The following ITGAE variants were observed in gnomAD, a reference collection of about 807,000 sequenced individuals.
ITGAE encodes the protein integrin alpha-E.
Under a neutral mutation model 136.5 loss-of-function variants are expected in ITGAE, and 99 were observed. The ratio of observed to expected loss-of-function variants is 0.73; its 90% CI spans 0.62 to 0.86. The LOEUF (loss-of-function observed/expected upper bound fraction) is 0.86, where lower values mean the gene tolerates loss of function less well. Among genes scored for constraint, ITGAE ranks in the 40% least tolerant of loss-of-function variants. The pLI, the probability that ITGAE is intolerant of heterozygous loss-of-function variation, is 0.00. For missense variants in ITGAE, 1,447 were observed against 1,515.3 expected, an observed-to-expected ratio of 0.95 and a Z score of 0.75; for synonymous variants, 613 against 591.8, an observed-to-expected ratio of 1.04 and a Z score of -0.52.
rs763438763 is a variant in ITGAE, at chr17:3,731,199, A to G, written c.2755-16T>C. On this transcript the variant is annotated splice_polypyrimidine_tract_variant and intron_variant, in intron 22 of 30. Coordinates refer to ENST00000263087, the MANE Select transcript of ITGAE (RefSeq NM_002208.5). ...AAACATGAGCCTATTTTAAAGGGGG[A>G]AAAATGGTCAGTTGATTCTCTCTAT... The G allele has an allele frequency of 4.4e-6, 7 of 1,601,484 alleles. No individual in the cohort carries two copies. Among genetic ancestry groups the G allele is most frequent in the East Asian group, 2.2e-5 (1 of 44,730 alleles).
At chr17:3,745,719 ATGACAAAGACCCCTCC>A in intron 18 of ITGAE, 29 bp downstream of exon 18, 1 of 1,584,878 alleles carries the variant, frequency 6.3e-7, no homozygotes, top group Non-Finnish European at 8.6e-7. Flanking sequence ...TCCTTTCTCA[ATGACAAAGACCCCTCC>A]TGACTCCCAT....
chr17:3,741,223 G>GCA (rs1408534573), intron 19 of ITGAE, among the ~76,000 whole-genome samples: 6 of 149,878 alleles, frequency 4.0e-5, no homozygotes, highest in Non-Finnish European at 8.9e-5. Context: ...GACTACAGCT[G>GCA]CCCGCCACCA....
intron 18 of ITGAE, among the ~76,000 whole-genome samples, chr17:3,744,636 A>G (rs1264728050): frequency 6.6e-6 from 1 of 151,524 alleles, no homozygotes; most frequent in Non-Finnish European, 1.5e-5. Flanking sequence ...TTTAGTAGAG[A>G]CAGGGTTTTA....
chr17:3,727,127 G>C (rs1300578504), intron 26 of ITGAE, among the ~76,000 whole-genome samples: 1 of 151,732 alleles, frequency 6.6e-6, no homozygotes, highest in African/African-American at 2.4e-5. Flanking sequence ...AAAAAAAAAT[G>C]CCCAGGCTTC....
chr17:3,751,922 C>T (rs745947188), intron 14 of ITGAE, 48 bp from the exon 15 acceptor site: 2 of 1,505,298 alleles, frequency 1.3e-6, no homozygotes, highest in South Asian at 1.1e-5. Context: ...GTGCTAGGTG[C>T]CCACTCCATT....
At chr17:3,747,052 G>T (rs187336162) in intron 17 of ITGAE, among the ~76,000 whole-genome samples, 2 of 152,194 alleles carry the variant, frequency 1.3e-5, no homozygotes, top group South Asian at 2.1e-4. Context: ...ATCGTTCCAG[G>T]GGGGAGCTCT....
rs553986474 is a variant in ITGAE at position 3,789,751 on chromosome 17, C to T, written c.34+11360G>A. On this transcript the variant is annotated intron_variant, in intron 1 of 30. Transcript: ENST00000263087. ...CCTGATCTCAAGTAATCTGCCCCCA[C>T]TTGGCCTCTCAAATGCTGGGATTTC... 5.9e-4 allele frequency among the ~76,000 whole-genome samples: 90 copies of T among 152,258 alleles called. 1 individual carries two copies. Among genetic ancestry groups the T allele is most frequent in the African/African-American group, 2.1e-3 (86 of 41,560 alleles).
intron 1 of ITGAE, among the ~76,000 whole-genome samples, chr17:3,795,820 T>C (rs918972765): frequency 7.3e-5 from 11 of 151,380 alleles, no homozygotes; most frequent in African/African-American, 2.7e-4. Context: ...TGCATCCGTG[T>C]GCATCCCTGT....
Position 3,759,443 on chromosome 17 carries a change from CACTT to C in ITGAE, c.821_824del (p.Gln274ArgfsTer15). On this transcript the variant is annotated frameshift_variant, in exon 8 of 31. Transcript: ENST00000263087. LOFTEE classifies it high-confidence loss of function. Reference sequence around the variant, plus strand: ...CTGAGGCAGTCTTGGTGACACTCCCCACTTGAGTGATGTTCTGGACTCTGGCGAG... The same window carrying C: ...CTGAGGCAGTCTTGGTGACACTCCCCGAGTGATGTTCTGGACTCTGGCGAG... 1 of 1,614,218 alleles carries C rather than the reference CACTT, an allele frequency of 6.2e-7. No homozygotes were observed. The highest frequency in any genetic ancestry group is 1.1e-5 in the South Asian group (1 of 91,084).
chr17:3,747,188 C>T, intron 17 of ITGAE, among the ~76,000 whole-genome samples: 1 of 152,240 alleles, frequency 6.6e-6, no homozygotes, highest in South Asian at 2.1e-4. Flanking sequence ...CCAATCCCAC[C>T]TGGGCCGGAG....
chr17:3,786,251 T>C (rs2052795807), intron 1 of ITGAE, among the ~76,000 whole-genome samples: 6 of 150,924 alleles, frequency 4.0e-5, no homozygotes, highest in African/African-American at 1.2e-4. Context: ...ATGAACAAAT[T>C]CCTTGAAATA....
chr17:3,736,245 G>T (rs1045596611), intron 20 of ITGAE, among the ~76,000 whole-genome samples: 3 of 152,128 alleles, frequency 2.0e-5, no homozygotes, highest in African/African-American at 4.8e-5. Context: ...GGAGGCAGAG[G>T]TTGCAGTGAG....
intron 1 of ITGAE, among the ~76,000 whole-genome samples, chr17:3,796,115 GCATCCC>G (rs776969086): frequency 1.4e-4 from 6 of 41,856 alleles, no homozygotes; most frequent in African/African-American, 3.4e-4. Flanking sequence ...ATCCCTGTGT[GCATCCC>G]TGTGTGTGCA....
chr17:3,792,146 G>A (rs1319500252), intron 1 of ITGAE, among the ~76,000 whole-genome samples: 2 of 152,088 alleles, frequency 1.3e-5, no homozygotes, highest in African/African-American at 4.8e-5. Context: ...TTTTGAGATG[G>A]AGTCTGGCCC....
intron 8 of ITGAE, 97 bp downstream of exon 8, chr17:3,759,305 C>CT: frequency 1.4e-6 from 2 of 1,402,544 alleles, no homozygotes; most frequent in Non-Finnish European, 2.0e-6. Flanking sequence ...AGCCCTAATT[C>CT]TCTTCTCCTG....
intron 12 of ITGAE, 30 bp downstream of exon 12, chr17:3,755,087 C>T (rs975076997): frequency 3.2e-6 from 5 of 1,568,506 alleles, no homozygotes; most frequent in Non-Finnish European, 4.3e-6. Flanking sequence ...ATCAGGTGGC[C>T]CCGCCCTCAT....
At chr17:3,750,683 A>G (rs1304110168) in intron 15 of ITGAE, among the ~76,000 whole-genome samples, 1 of 152,014 alleles carries the variant, frequency 6.6e-6, no homozygotes, top group African/African-American at 2.4e-5. Flanking sequence ...GTGGGACTTG[A>G]CAGGGGAGAG....
intron 1 of ITGAE, among the ~76,000 whole-genome samples, chr17:3,795,652 C>G (rs1239814019): frequency 6.6e-6 from 1 of 152,232 alleles, no homozygotes. Flanking sequence ...CCTCAAGAAG[C>G]TGGGCACTGC....
Position 3,732,437 on chromosome 17 carries a change from G to T in ITGAE, c.2685C>A (p.Asp895Glu). The T allele has an allele frequency of 1.2e-6, 2 of 1,614,100 alleles. No homozygotes were observed. The highest frequency in any genetic ancestry group is 1.7e-6 in the Non-Finnish European group (2 of 1,179,980). Reference sequence around the variant, plus strand: ...TCAGGACAGAAGCAACCGGCTGAGGGTCATCACACTGAATGTTTGGAGAGG... The same window carrying T: ...TCAGGACAGAAGCAACCGGCTGAGGTTCATCACACTGAATGTTTGGAGAGG... ...KPPSPNIQCD[D>E]PQPVASVLIM... Residue 895 changes from aspartate to glutamate, a missense_variant, in exon 22 of 31, where the codon GAC (aspartate) becomes GAA (glutamate). By Grantham distance (45) the Asp-to-Glu change is conservative (BLOSUM62 2). This residue lies in a region of ITGAE where 1,031 missense variants were observed against 1,011.4 expected (regional missense o/e 1.02). Transcript: ENST00000263087.
Sources: gnomAD v4.1 joint callset for allele counts (sites outside exome capture counted in the v4.1 genomes callset) on GRCh38, gnomAD v4.1.1 for gene constraint, gnomAD v4.1.1 regional missense constraint, MANE v1.5 for transcripts, NCBI Gene and HGNC (gene_info 2026-07-23, HGNC 2026-07-21) for gene names.